Variants in SRGAP3 observed in about 807,000 individuals in gnomAD.
SRGAP3 encodes SLIT-ROBO Rho GTPase-activating protein 3.
In SRGAP3, 39 loss-of-function variants were observed where a neutral mutation model predicts 121.1. That is an observed-to-expected ratio of 0.32 (90% CI 0.25 to 0.42). SRGAP3 has a LOEUF of 0.42. Among genes scored for constraint, SRGAP3 ranks in the 10% least tolerant of loss-of-function variants. SRGAP3 has a pLI of 1.00. For synonymous variants in SRGAP3, 601 were observed against 570.0 expected, an observed-to-expected ratio of 1.05 and a Z score of -0.77; for missense variants, 1,213 against 1,470.6, an observed-to-expected ratio of 0.82 and a Z score of 2.86.
At chr3:9,149,145 C>T (rs191024213) in intron 1 of SRGAP3, among the ~76,000 whole-genome samples, 88 of 145,526 alleles carry the variant, frequency 6.0e-4, no homozygotes, top group African/African-American at 1.8e-3. Flanking sequence ...AGCCGGGAGG[C>T]GGAGGTTGCA....
chr3:9,290,064 TTG>T (rs1954845991), intron 3 of SRGAP3, among the ~76,000 whole-genome samples: 1 of 152,022 alleles, frequency 6.6e-6, no homozygotes, highest in Non-Finnish European at 1.5e-5. Flanking sequence ...CGAGCTGAGA[TTG>T]TGCCACTGCA....
At chr3:9,175,654 C>T (rs370031315) in intron 1 of SRGAP3, among the ~76,000 whole-genome samples, 17 of 152,328 alleles carry the variant, frequency 1.1e-4, no homozygotes, top group Admixed American at 7.8e-4. Context: ...ACTCCTAGCA[C>T]CACGCCTGGT....
intron 1 of SRGAP3, among the ~76,000 whole-genome samples, chr3:9,182,721 A>C (rs992816804): frequency 9.9e-5 from 15 of 152,224 alleles, no homozygotes; most frequent in African/African-American, 3.4e-4. Flanking sequence ...TGGCACAATC[A>C]CAGCTCACTG....
intron 1 of SRGAP3, among the ~76,000 whole-genome samples, chr3:9,201,267 C>G (rs1952060286): frequency 6.6e-6 from 1 of 152,196 alleles, no homozygotes; most frequent in Admixed American, 6.5e-5. Context: ...GCCCCCAAGA[C>G]CTCAGGTGAG....
intron 20 of SRGAP3, among the ~76,000 whole-genome samples, chr3:8,991,607 C>G (rs1286920368): frequency 6.6e-6 from 1 of 152,184 alleles, no homozygotes; most frequent in East Asian, 1.9e-4. Flanking sequence ...TAAGCAAGAT[C>G]CTTTGCCCAC....
At position 9,053,130 on chromosome 3, in the gene SRGAP3, G is replaced by A. The variant is rs1226323955; in HGVS notation, c.1220C>T (p.Ser407Leu). 8 of 1,614,046 alleles carry A rather than the reference G, an allele frequency of 5.0e-6. No homozygotes were observed. In the Admixed American group the frequency reaches 6.7e-5, roughly 13 times the overall value. Residue 407 changes from serine to leucine, a missense_variant, in exon 9 of 22, where the codon TCG (serine) becomes TTG (leucine). Ser to Leu is a moderately radical substitution (Grantham distance 145). Coordinates refer to ENST00000383836, the MANE Select transcript of SRGAP3 (RefSeq NM_014850.4). Reference sequence around the variant, plus strand: ...GGCAGCCGACTTGACGGACTCTGTCGATCGACTGTGTTGGAAGGCATCGGA... The same window carrying A: ...GGCAGCCGACTTGACGGACTCTGTCAATCGACTGTGTTGGAAGGCATCGGA... ...DVSDAFQHSR[S>L]TESVKSAASE...
chr3:9,123,007 G>A (rs1489514357), intron 2 of SRGAP3, among the ~76,000 whole-genome samples: 2 of 152,178 alleles, frequency 1.3e-5, no homozygotes, highest in Admixed American at 1.3e-4. Flanking sequence ...GCCTGAAAAA[G>A]GAAGAACATT....
intron 1 of SRGAP3, among the ~76,000 whole-genome samples, chr3:9,174,496 G>A (rs959538912): frequency 6.6e-5 from 10 of 152,220 alleles, no homozygotes; most frequent in African/African-American, 9.6e-5. Context: ...GCAGGAGACT[G>A]CGGGCAGAAT....
intron 1 of SRGAP3, among the ~76,000 whole-genome samples, chr3:9,228,702 G>A (rs986532192): frequency 6.6e-6 from 1 of 152,166 alleles, no homozygotes; most frequent in Non-Finnish European, 1.5e-5. Flanking sequence ...CTAAGTTCTT[G>A]GGGGCAACAG....
At position 9,166,470 on chromosome 3, in the gene SRGAP3, G is replaced by A. The variant is rs1950787608; in HGVS notation, c.68-41553C>T. ...CCCAGCTTCCCTTGCAACTAAGGAT[G>A]CCCATGTGACTAAGAGTTTTCCAGT... On this transcript the variant is annotated intron_variant, in intron 1 of 21. Transcript: ENST00000383836. Among the ~76,000 whole-genome samples the A allele has an allele frequency of 2.6e-5, 4 of 152,146 alleles. No individual in the cohort carries two copies. In the South Asian group the frequency reaches 6.2e-4, roughly 24 times the overall value.
chr3:9,099,258 C>G (rs957129196), intron 3 of SRGAP3, among the ~76,000 whole-genome samples: 4 of 152,194 alleles, frequency 2.6e-5, no homozygotes, highest in African/African-American at 4.8e-5. Flanking sequence ...ACAAGCCCCC[C>G]ACATGGCCTC....
intron 3 of SRGAP3, among the ~76,000 whole-genome samples, chr3:9,288,268 G>A (rs962008490): frequency 6.6e-6 from 1 of 151,590 alleles, no homozygotes; most frequent in South Asian, 2.1e-4. Flanking sequence ...CTCCCAAGTA[G>A]CTAGGATTAC....
At chr3:9,145,904 C>T (rs1354040114) in intron 1 of SRGAP3, among the ~76,000 whole-genome samples, 2 of 152,170 alleles carry the variant, frequency 1.3e-5, no homozygotes, top group Non-Finnish European at 2.9e-5. Context: ...GTGACCTGTT[C>T]AGGGACTGGC....
intron 2 of SRGAP3, among the ~76,000 whole-genome samples, chr3:9,119,111 C>G (rs1009982622): frequency 6.6e-6 from 1 of 152,188 alleles, no homozygotes; most frequent in African/African-American, 2.4e-5. Flanking sequence ...CAAAGGAGGA[C>G]AGACAAGTAA....
chr3:9,184,172 C>T (rs932633582), intron 1 of SRGAP3, among the ~76,000 whole-genome samples: 6 of 152,142 alleles, frequency 3.9e-5, no homozygotes, highest in Non-Finnish European at 5.9e-5. Context: ...CCTCCCATTT[C>T]AATCAATTAA....
chr3:9,181,949 T>A (rs1472110590), intron 1 of SRGAP3, among the ~76,000 whole-genome samples: 2 of 151,972 alleles, frequency 1.3e-5, no homozygotes, highest in Non-Finnish European at 2.9e-5. Flanking sequence ...CCAAGGTGGG[T>A]GGATTACTTG....
intron 3 of SRGAP3, among the ~76,000 whole-genome samples, chr3:9,272,337 A>G (rs777641123): frequency 6.6e-5 from 10 of 152,244 alleles, no homozygotes; most frequent in Non-Finnish European, 1.5e-4. Context: ...TTGTGCAGCC[A>G]GCACCACCAT....
chr3:9,140,122 TACACACACAC>T (rs35572227), intron 1 of SRGAP3, among the ~76,000 whole-genome samples: 2 of 140,010 alleles, frequency 1.4e-5, no homozygotes, highest in East Asian at 2.0e-4. Context: ...CTCAGAGGCA[TACACACACAC>T]ACACACACAC....
chr3:9,037,983 T>C (rs1030122286), intron 11 of SRGAP3, 80 bp downstream of exon 11: 2 of 1,589,500 alleles, frequency 1.3e-6, no homozygotes, highest in Non-Finnish European at 1.7e-6. Context: ...CTTCTCCAGC[T>C]CCTGGCAGTG....
Sources: gnomAD v4.1 joint callset for allele counts (sites outside exome capture counted in the v4.1 genomes callset) on GRCh38, gnomAD v4.1.1 for gene constraint, MANE v1.5 for transcripts, NCBI Gene and HGNC (gene_info 2026-07-23, HGNC 2026-07-21) for gene names.